LAMA1: variants seen among roughly 807,000 people sequenced by gnomAD.
LAMA1 encodes the protein laminin subunit alpha 1.
A neutral mutation model predicts 348.7 loss-of-function variants in LAMA1; 219 were observed. The ratio of observed to expected loss-of-function variants is 0.63; its 90% CI spans 0.56 to 0.70. The LOEUF is 0.70. Ranked by LOEUF, LAMA1 falls within the 30% of genes least tolerant of loss-of-function variation. LAMA1 has a pLI of 0.00. For missense variants in LAMA1, 3,744 were observed against 3,888.0 expected (o/e 0.96, Z 0.99); for synonymous variants, 1,487 against 1,491.0 (o/e 1.00, Z 0.06).
chr18:7,028,187 C>T (rs764674995), intron 16 of LAMA1, among the ~76,000 whole-genome samples: 4 of 152,176 alleles, frequency 2.6e-5, no homozygotes, highest in Non-Finnish European at 5.9e-5. Context: ...AGATCCCAGC[C>T]TCTATCATCT....
intron 57 of LAMA1, chr18:6,954,420 T>C (rs1345807946): frequency 2.6e-5 from 4 of 152,080 alleles, no homozygotes; most frequent in Non-Finnish European, 4.4e-5. Flanking sequence ...GAGATAGTGG[T>C]GGGAGGGCAT....
intron 49 of LAMA1, 186 bp downstream of exon 49, chr18:6,965,961 A>G: frequency 1.5e-6 from 1 of 652,874 alleles, no homozygotes; most frequent in Non-Finnish European, 2.6e-6. Context: ...TACAATGATA[A>G]TAAATAATTT....
intron 3 of LAMA1, among the ~76,000 whole-genome samples, chr18:7,055,377 C>T (rs779564721): frequency 6.1e-5 from 9 of 148,558 alleles, no homozygotes; most frequent in Non-Finnish European, 1.2e-4. Flanking sequence ...TGCTTGAACC[C>T]GGGAGGCAGA....
chr18:7,100,148 A>G lies in LAMA1; in HGVS notation c.61+17512T>C, dbSNP rs2058285917. Among the ~76,000 whole-genome samples, 3 of 151,992 alleles carry G rather than the reference A, an allele frequency of 2.0e-5. No homozygotes were observed. The South Asian group carries it at 6.2e-4, about 32-fold the overall frequency. ...TCTGATAAAGACTTTGTATCCAGGA[A>G]ATATGCAAAACTCTTAACTAAGAAT... On this transcript the variant is annotated intron_variant, in intron 1 of 62. Transcript: ENST00000389658.
intron 1 of LAMA1, among the ~76,000 whole-genome samples, chr18:7,115,240 G>A (rs1413771068): frequency 6.6e-6 from 1 of 152,172 alleles, no homozygotes; most frequent in Non-Finnish European, 1.5e-5. Context: ...ATATGAGAAT[G>A]AAGTGAATTT....
chr18:7,116,583 A>G (rs2143845804), intron 1 of LAMA1, among the ~76,000 whole-genome samples: 1 of 152,148 alleles, frequency 6.6e-6, no homozygotes, highest in South Asian at 2.1e-4. Context: ...AATTCCGCCC[A>G]CTACTTTTGA....
At chr18:7,044,054 G>A (rs1048450669) in intron 7 of LAMA1, among the ~76,000 whole-genome samples, 1 of 151,562 alleles carries the variant, frequency 6.6e-6, no homozygotes, top group African/African-American at 2.4e-5. Context: ...TACTCAGGAG[G>A]CTGAGGCAGG....
intron 47 of LAMA1, among the ~76,000 whole-genome samples, 195 bp downstream of exon 47, chr18:6,972,862 G>A (rs1025980023): frequency 6.6e-6 from 1 of 152,042 alleles, no homozygotes; most frequent in East Asian, 1.9e-4. Context: ...GGCTAATTTT[G>A]TATTTTTAGT....
At chr18:7,102,117 A>G (rs2058293691) in intron 1 of LAMA1, among the ~76,000 whole-genome samples, 1 of 152,218 alleles carries the variant, frequency 6.6e-6, no homozygotes, top group Non-Finnish European at 1.5e-5. Flanking sequence ...GGAAAGTTTG[A>G]TTATATAAAA....
intron 8 of LAMA1, chr18:7,042,532 G>A (rs1356137858): frequency 2.9e-5 from 11 of 381,826 alleles, no homozygotes; most frequent in African/African-American, 1.3e-4. Flanking sequence ...TCAGAGCCAC[G>A]TTATAACCAG....
chr18:6,976,016 G>A lies in LAMA1; in HGVS notation c.6410C>T (p.Thr2137Ile), dbSNP rs992032343. The change falls in exon 45 of 63, where the codon ACC becomes ATC. Residue 2137 changes from threonine to isoleucine, a missense_variant. Physicochemically the swap from Thr to Ile is moderately conservative, Grantham distance 89. This residue lies in a region of LAMA1 where 1,983 missense variants were observed against 1,934.3 expected (regional missense o/e 1.03). Transcript: ENST00000389658. ...ATTTAGTGTTAAGGTATTGTAGTTG[G>A]TAGAGGAAATCTGAGGCTGGTAGGC... ...IRAYQPQISS[T>I]NYNTLTLNVK... is the part of the protein sequence containing the mutation. 1.2e-6 allele frequency: 2 copies of A among 1,614,136 alleles called. No homozygotes were observed. Among genetic ancestry groups the A allele is most frequent in the Non-Finnish European group, 1.7e-6 (2 of 1,180,016 alleles).
chr18:7,096,055 G>A (rs985388160), intron 1 of LAMA1, among the ~76,000 whole-genome samples: 2 of 152,206 alleles, frequency 1.3e-5, no homozygotes, highest in African/African-American at 2.4e-5. Context: ...GCAACAGCGC[G>A]AGACTCCGTC....
Position 7,117,693 on chromosome 18 carries a change from G to T in LAMA1, c.28C>A (p.Leu10Met). MRGGVLLVL[L>M]LCVAAQCRQR... is the part of the protein sequence containing the mutation. ...CGGCACTGCGCGGCGACACACAGCA[G>T]CAAGACCAGGAGCACGCCCCCGCGC... Residue 10 changes from leucine to methionine, a missense_variant, in exon 1 of 63, where the codon CTG (leucine) becomes ATG (methionine). By Grantham distance (15) the Leu-to-Met change is conservative (BLOSUM62 2). Around this residue, in one of 3 missense-constraint regions of LAMA1, gnomAD observed 1,529 missense variants for 1,689.4 expected, o/e 0.91. Coordinates refer to ENST00000389658, the MANE Select transcript of LAMA1 (RefSeq NM_005559.4). The T allele has an allele frequency of 6.3e-7, 1 of 1,599,104 alleles. No homozygotes were observed.
At chr18:7,061,545 A>C (rs943767404) in intron 3 of LAMA1, among the ~76,000 whole-genome samples, 1 of 152,194 alleles carries the variant, frequency 6.6e-6, no homozygotes, top group Non-Finnish European at 1.5e-5. Context: ...GCCGTTAACT[A>C]TCAAGTTTTC....
At position 6,975,970 on chromosome 18, in the gene LAMA1, A is replaced by G; in HGVS notation, c.6456T>C (p.Asp2152=). Residue 2152 remains aspartate, a synonymous_variant, in exon 45 of 63, where the codon GAT becomes GAC. Transcript: ENST00000389658. The part of the protein sequence containing the change: ...LTLNVKTQEP[D]NLLFYLGSST... ...TGCTACCGAGGTAGAAGAGAAGATT[A>G]TCGGGTTCCTGTGTCTTAACATTTA... 6 of 1,614,198 alleles carry G rather than the reference A, an allele frequency of 3.7e-6. No homozygotes were observed. The highest frequency in any genetic ancestry group is 1.1e-5 in the South Asian group (1 of 91,088).
chr18:7,022,749 C>A (rs1255836564), intron 19 of LAMA1, among the ~76,000 whole-genome samples: 1 of 152,162 alleles, frequency 6.6e-6, no homozygotes, highest in African/African-American at 2.4e-5. Context: ...TACGCAGTTT[C>A]TGGGGTTACA....
At chr18:7,028,712 T>G (rs1162745734) in intron 16 of LAMA1, among the ~76,000 whole-genome samples, 2 of 152,186 alleles carry the variant, frequency 1.3e-5, no homozygotes. Context: ...ATGAAAAACC[T>G]TCCCCCCCTC....
At chr18:7,001,133 G>A (rs2057805812) in intron 30 of LAMA1, among the ~76,000 whole-genome samples, 1 of 152,082 alleles carries the variant, frequency 6.6e-6, no homozygotes, top group South Asian at 2.1e-4. Context: ...GAATAGACGT[G>A]GATATGAATT....
chr18:7,062,930 A>G (rs2058108387), intron 3 of LAMA1, among the ~76,000 whole-genome samples: 1 of 152,170 alleles, frequency 6.6e-6, no homozygotes, highest in South Asian at 2.1e-4. Flanking sequence ...CGCATGCCTT[A>G]TTATGAGAAA....
Sources: allele counts gnomAD v4.1 joint callset (sites outside exome capture counted in the v4.1 genomes callset), GRCh38; gene constraint gnomAD v4.1.1; regional missense constraint gnomAD v4.1.1; transcripts MANE v1.5; gene names NCBI Gene and HGNC (gene_info 2026-07-23, HGNC 2026-07-21).